The following EPHA6 variants were observed in gnomAD, a reference collection of about 807,000 sequenced individuals.
The protein encoded by EPHA6 is ephrin type-A receptor 6.
A neutral mutation model predicts 112.0 loss-of-function variants in EPHA6; 50 were observed. The observed-to-expected ratio is 0.45, with a 90% CI of 0.36 to 0.56. The LOEUF (loss-of-function observed/expected upper bound fraction) is 0.56. Among genes scored for constraint, EPHA6 ranks in the 20% least tolerant of loss-of-function variants. EPHA6 has a pLI of 0.00. For missense variants in EPHA6, 1,280 were observed against 1,417.4 expected, an observed-to-expected ratio of 0.90 and a Z score of 1.56; for synonymous variants, 529 against 490.7, an observed-to-expected ratio of 1.08 and a Z score of -1.03.
At chr3:97,590,801 A>T (rs1017138712) in intron 11 of EPHA6, among the ~76,000 whole-genome samples, 4 of 152,182 alleles carry the variant, frequency 2.6e-5, no homozygotes, top group Non-Finnish European at 5.9e-5. Flanking sequence ...TGCAACTTTA[A>T]GTAAGACTGC....
At chr3:97,445,914 C>T (rs556779241) in intron 6 of EPHA6, among the ~76,000 whole-genome samples, 1 of 152,216 alleles carries the variant, frequency 6.6e-6, no homozygotes, top group East Asian at 1.9e-4. Context: ...GCTAGCAATG[C>T]CATCATGGTA....
chr3:97,541,727 G>GTTTT (rs59024112), intron 11 of EPHA6, among the ~76,000 whole-genome samples: 2 of 131,878 alleles, frequency 1.5e-5, no homozygotes, highest in East Asian at 2.3e-4. Flanking sequence ...TCTTTTTTTT[G>GTTTT]TTTTTTTTTT....
At chr3:97,451,875 T>C (rs764837603) in intron 7 of EPHA6, among the ~76,000 whole-genome samples, 43 of 151,944 alleles carry the variant, frequency 2.8e-4, no homozygotes, top group East Asian at 3.9e-4. Flanking sequence ...TTCCACTTAA[T>C]TGACTAACTT....
At chr3:97,034,202 A>G (rs2044992417) in intron 3 of EPHA6, among the ~76,000 whole-genome samples, 2 of 151,950 alleles carry the variant, frequency 1.3e-5, no homozygotes, top group African/African-American at 2.4e-5. Context: ...TTATTCTGAT[A>G]AAAATGAAAA....
chr3:97,729,400 A>C (rs2034930718), intron 15 of EPHA6, among the ~76,000 whole-genome samples: 1 of 152,120 alleles, frequency 6.6e-6, no homozygotes, highest in Admixed American at 6.5e-5. Context: ...CAATCATGGT[A>C]GAAGACAAAA....
chr3:97,389,555 C>T (rs2086279132), intron 5 of EPHA6, among the ~76,000 whole-genome samples: 1 of 152,070 alleles, frequency 6.6e-6, no homozygotes, highest in African/African-American at 2.4e-5. Flanking sequence ...ATTGCATAAA[C>T]AAACCCTGTA....
At chr3:96,952,846 T>C (rs1247585976) in intron 2 of EPHA6, among the ~76,000 whole-genome samples, 1 of 151,990 alleles carries the variant, frequency 6.6e-6, no homozygotes, top group Non-Finnish European at 1.5e-5. Context: ...AACACTGTAG[T>C]ATGCCACAGT....
chr3:97,343,326 G>A (rs868056606), intron 5 of EPHA6, among the ~76,000 whole-genome samples: 1 of 152,156 alleles, frequency 6.6e-6, no homozygotes, highest in Non-Finnish European at 1.5e-5. Context: ...TACAACTTGT[G>A]AGGGATGAAG....
intron 5 of EPHA6, among the ~76,000 whole-genome samples, chr3:97,273,065 G>T (rs1220299448): frequency 6.6e-6 from 1 of 152,096 alleles, no homozygotes. Context: ...ATATTGTGGG[G>T]TTGTTAGAAG....
chr3:97,391,858 C>T (rs1296966859), intron 5 of EPHA6, among the ~76,000 whole-genome samples: 1 of 151,880 alleles, frequency 6.6e-6, no homozygotes, highest in African/African-American at 2.4e-5. Flanking sequence ...TAATGTTATT[C>T]ATGGGTTGTT....
intron 10 of EPHA6, among the ~76,000 whole-genome samples, chr3:97,499,109 A>G (rs915114529): frequency 1.3e-5 from 2 of 152,214 alleles, no homozygotes; most frequent in African/African-American, 4.8e-5. Context: ...AAGGGCATAT[A>G]ATGAAAAGCA....
intron 14 of EPHA6, among the ~76,000 whole-genome samples, chr3:97,701,135 T>C (rs1287565936): frequency 3.3e-5 from 5 of 152,164 alleles, no homozygotes; most frequent in Non-Finnish European, 2.9e-5. Context: ...GTGTGAAGGA[T>C]TCCAGTATGA....
chr3:97,586,927 G>T (rs550699360), intron 11 of EPHA6, among the ~76,000 whole-genome samples: 45 of 152,268 alleles, frequency 3.0e-4, no homozygotes, highest in African/African-American at 9.9e-4. Flanking sequence ...GCCAGTTACA[G>T]AACTCAATAC....
At chr3:97,264,248 G>T (rs1273887009) in intron 5 of EPHA6, among the ~76,000 whole-genome samples, 3 of 152,192 alleles carry the variant, frequency 2.0e-5, no homozygotes, top group Non-Finnish European at 4.4e-5. Flanking sequence ...TACCAGCCTG[G>T]ATCCCATGCC....
intron 10 of EPHA6, among the ~76,000 whole-genome samples, chr3:97,512,325 T>C (rs2092379941): frequency 6.6e-6 from 1 of 152,192 alleles, no homozygotes; most frequent in African/African-American, 2.4e-5. Context: ...GTTTTATTTG[T>C]AAACTTTCAG....
intron 3 of EPHA6, among the ~76,000 whole-genome samples, chr3:97,177,572 A>G (rs550412596): frequency 2.0e-5 from 3 of 151,712 alleles, no homozygotes; most frequent in Non-Finnish European, 4.4e-5. Flanking sequence ...TTTGGTTCAT[A>G]TATGTTTACA....
At chr3:97,287,033 C>CT (rs1161740396) in intron 5 of EPHA6, among the ~76,000 whole-genome samples, 1 of 149,448 alleles carries the variant, frequency 6.7e-6, no homozygotes. Flanking sequence ...TCTTCATTTC[C>CT]TTTTCTGCTA....
chr3:97,241,577 T>C (rs2108576383), intron 4 of EPHA6, among the ~76,000 whole-genome samples: 1 of 151,912 alleles, frequency 6.6e-6, no homozygotes, highest in Admixed American at 6.6e-5. Flanking sequence ...TAGAATTAAT[T>C]GTCTCTCTTT....
intron 2 of EPHA6, among the ~76,000 whole-genome samples, chr3:96,969,893 A>G (rs2042252119): frequency 1.3e-5 from 2 of 151,930 alleles, no homozygotes; most frequent in Non-Finnish European, 2.9e-5. Flanking sequence ...CTCTCAGGAG[A>G]TTTGTCTATC....
Sources: gnomAD v4.1 joint callset for allele counts (sites outside exome capture counted in the v4.1 genomes callset) on GRCh38, gnomAD v4.1.1 for gene constraint, MANE v1.5 for transcripts, NCBI Gene and HGNC (gene_info 2026-07-23, HGNC 2026-07-21) for gene names.